The following SPHK2 variants were observed in gnomAD, a reference collection of about 807,000 sequenced individuals.
The protein encoded by SPHK2 is sphingosine kinase 2.
SPHK2 carries 18 observed loss-of-function variants against 32.3 expected under a neutral mutation model. That is an observed-to-expected ratio of 0.56 (90% CI 0.39 to 0.83). The LOEUF is 0.83. SPHK2 is among the 40% of genes least tolerant of loss of function. The pLI is 0.00. For synonymous variants in SPHK2, 462 were observed against 417.6 expected, an observed-to-expected ratio of 1.11 and a Z score of -1.30; for missense variants, 850 against 908.7, an observed-to-expected ratio of 0.94 and a Z score of 0.83.
intron 2 of SPHK2, among the ~76,000 whole-genome samples, chr19:48,622,800 C>A: frequency 8.9e-6 from 1 of 111,896 alleles, no homozygotes; most frequent in African/African-American, 3.3e-5. Flanking sequence ...GAGTCTTGGT[C>A]TGTTGCCCAG....
chr19:48,628,326 T>A lies in SPHK2; in HGVS notation c.872+49T>A, dbSNP rs888019127. On this transcript the variant is annotated intron_variant, in intron 6 of 6. Coordinates refer to ENST00000245222, the MANE Select transcript of SPHK2 (RefSeq NM_020126.5). The surrounding 1 kb of genome is among the most constrained non-coding windows in gnomAD (Gnocchi z 5.2). Reference sequence around the variant, plus strand: ...GAGGGATGAGCCCCTCCTGGGGTGATAGGGACCCCTATATCTCCCACTCAG... The same window carrying A: ...GAGGGATGAGCCCCTCCTGGGGTGAAAGGGACCCCTATATCTCCCACTCAG... 6.6e-7 allele frequency: 1 copy of A among 1,526,010 alleles called. No individual in the cohort carries two copies. 94.5% of individuals were successfully genotyped at this position (1,526,010 alleles called of 1,614,324 possible).
chr19:48,621,878 A>C (rs1974418573), intron 2 of SPHK2, among the ~76,000 whole-genome samples: 1 of 152,144 alleles, frequency 6.6e-6, no homozygotes, highest in Non-Finnish European at 1.5e-5. Context: ...AGTTAGAGAA[A>C]CAGGGTCTTC....
At chr19:48,625,110 C>T (rs1568430403) in intron 2 of SPHK2, 22 of 999,654 alleles carry the variant, frequency 2.2e-5, no homozygotes, top group Middle Eastern at 5.1e-4. Context: ...TGGCCCCTGC[C>T]CCTTGCAGGC....
At chr19:48,625,725 C>T (rs1440308741) in intron 2 of SPHK2, 166 bp from the exon 3 acceptor site, 22 of 1,534,948 alleles carry the variant, frequency 1.4e-5, no homozygotes, top group Admixed American at 2.0e-5. Flanking sequence ...GCCTCTGTCC[C>T]GCATCCTCAA....
rs1432632644 is a variant in SPHK2 at position 48,620,393 on chromosome 19, C to T, written c.-113-9C>T. 2.7e-6 allele frequency: 2 copies of T among 751,586 alleles called. No homozygotes were observed. Among genetic ancestry groups the T allele is most frequent in the Admixed American group, 3.1e-5 (1 of 32,524 alleles). 46.6% of individuals were successfully genotyped at this position (751,586 alleles called of 1,614,324 possible). ...TCAATGCTGCTCCTCACTTACCTCTCCTCCACAGAGCTGAAGGTCAGGCCA... is the reference window on the plus strand; with the variant it reads ...TCAATGCTGCTCCTCACTTACCTCTTCTCCACAGAGCTGAAGGTCAGGCCA... On this transcript the variant is annotated splice_polypyrimidine_tract_variant and intron_variant, in intron 1 of 6. Transcript: ENST00000245222.
chr19:48,625,227 T>C (rs1308225114), intron 2 of SPHK2: 7 of 1,059,376 alleles, frequency 6.6e-6, no homozygotes, highest in Non-Finnish European at 8.0e-6. Flanking sequence ...CCTTCCACTC[T>C]GTCTTGCCTT....
intron 2 of SPHK2, 104 bp from the exon 3 acceptor site, chr19:48,625,787 C>G (rs1418528584): frequency 1.3e-6 from 2 of 1,538,042 alleles, no homozygotes; most frequent in South Asian, 2.4e-5. Context: ...CCTGTCTCAC[C>G]TGCCACTGCC....
rs1483716969 is a variant in SPHK2 at position 48,629,527 on chromosome 19, C to A, written c.1719C>A (p.Ser573Arg). The change falls in exon 7 of 7, where the codon AGC (serine) becomes AGA (arginine). Residue 573 changes from serine (S) to arginine (R), a missense_variant. Ser to Arg is a moderately radical substitution (Grantham distance 110, BLOSUM62 -1). Around this residue, in one of 2 missense-constraint regions of SPHK2, gnomAD observed 306 missense variants for 268.6 expected, o/e 1.14. Transcript: ENST00000245222. ...DGLVHLCWVRSGISRAALLRL... is the reference protein window; with the variant it reads ...DGLVHLCWVRRGISRAALLRL... Reference sequence around the variant, plus strand: ...TGGTGCACCTGTGCTGGGTGCGTAGCGGCATCTCGCGGGCTGCGCTGCTGC... The same window carrying A: ...TGGTGCACCTGTGCTGGGTGCGTAGAGGCATCTCGCGGGCTGCGCTGCTGC... 6.2e-7 allele frequency: 1 copy of A among 1,604,484 alleles called. No individual in the cohort carries two copies. Among genetic ancestry groups the A allele is most frequent in the Admixed American group, 1.7e-5 (1 of 59,094 alleles).
chr19:48,629,494 C>T lies in SPHK2; in HGVS notation c.1686C>T (p.Asp562=). Reference sequence around the variant, plus strand: ...TGGCAGCTCCGCATGCGCGCTTCGACGACGGCCTGGTGCACCTGTGCTGGG... The same window carrying T: ...TGGCAGCTCCGCATGCGCGCTTCGATGACGGCCTGGTGCACCTGTGCTGGG... ...DLVAAPHARF[D]DGLVHLCWVR... is the part of the protein sequence containing the mutation. Residue 562 remains aspartate (D), a synonymous_variant, in exon 7 of 7, where the codon GAC becomes GAT. Coordinates refer to ENST00000245222, the MANE Select transcript of SPHK2 (RefSeq NM_020126.5). The T allele has an allele frequency of 6.2e-7, 1 of 1,607,348 alleles. No individual in the cohort carries two copies. Among genetic ancestry groups the T allele is most frequent in the Non-Finnish European group, 8.5e-7 (1 of 1,178,428 alleles).
At position 48,628,227 on chromosome 19, in the gene SPHK2, C is replaced by T. The variant is rs751042287; in HGVS notation, c.822C>T (p.Leu274=). The T allele has an allele frequency of 4.3e-6, 7 of 1,613,794 alleles. No individual in the cohort carries two copies. The highest frequency in any genetic ancestry group is 5.9e-6 in the Non-Finnish European group (7 of 1,179,976). The part of the protein sequence containing the change: ...EEAVKMPVGI[L]PCGSGNALAG... ...CTGTGAAGATGCCTGTGGGCATCCT[C>T]CCCTGCGGCTCGGGCAACGCGCTGG... The change falls in exon 6 of 7, where the codon CTC becomes CTT. Residue 274 remains leucine (L), a synonymous_variant. Coordinates refer to ENST00000245222, the MANE Select transcript of SPHK2 (RefSeq NM_020126.5). The surrounding 1 kb of genome is among the most constrained non-coding windows in gnomAD (Gnocchi z 5.2).
At position 48,628,329 on chromosome 19, in the gene SPHK2, G is replaced by C; in HGVS notation, c.872+52G>C. The C allele has an allele frequency of 6.6e-7, 1 of 1,513,638 alleles. No homozygotes were observed. The allele number at this position is 1,513,638 out of a possible 1,614,324, so 93.8% of individuals were successfully genotyped here. On this transcript the variant is annotated intron_variant, in intron 6 of 6. Coordinates refer to ENST00000245222, the MANE Select transcript of SPHK2 (RefSeq NM_020126.5). The surrounding 1 kb of genome is among the most constrained non-coding windows in gnomAD (Gnocchi z 5.2). ...GGATGAGCCCCTCCTGGGGTGATAG[G>C]GACCCCTATATCTCCCACTCAGCCA...
chr19:48,628,092 CT>C lies in SPHK2; in HGVS notation c.756+24del. On this transcript the variant is annotated intron_variant, in intron 5 of 6. Coordinates refer to ENST00000245222, the MANE Select transcript of SPHK2 (RefSeq NM_020126.5). The surrounding 1 kb of genome is among the most constrained non-coding windows in gnomAD (Gnocchi z 5.2). The stretch of plus-strand genomic sequence containing the variant: ...GAGGTAGAGCAGGAGCACCCTGCCC[CT>C]AGCCCTGGGCCCTGGGGGACTATAG... 1 of 1,579,614 alleles carries C rather than the reference CT, an allele frequency of 6.3e-7. No homozygotes were observed. The highest frequency in any genetic ancestry group is 8.6e-7 in the Non-Finnish European group (1 of 1,159,426).
chr19:48,629,879 C>CCTGGCCCCGTCTCAGGATTGCGCT lies in SPHK2; in HGVS notation c.*108_*131dup. Reference sequence around the variant, plus strand: ...CTGCTAGAGTTGTGGTGGCAGGGGCCCTGGCCCCGTCTCAGGATTGCGCTC... The same window carrying CCTGGCCCCGTCTCAGGATTGCGCT: ...CTGCTAGAGTTGTGGTGGCAGGGGCCCTGGCCCCGTCTCAGGATTGCGCTCTGGCCCCGTCTCAGGATTGCGCTC... On this transcript the variant is annotated 3_prime_UTR_variant, in exon 7 of 7. Coordinates refer to ENST00000245222, the MANE Select transcript of SPHK2 (RefSeq NM_020126.5). The CCTGGCCCCGTCTCAGGATTGCGCT allele has an allele frequency of 6.9e-7, 1 of 1,457,176 alleles. No homozygotes were observed. The allele number at this position is 1,457,176 out of a possible 1,614,324, so 90.3% of individuals were successfully genotyped here.
At position 48,628,403 on chromosome 19, in the gene SPHK2, C is replaced by T; in HGVS notation, c.872+126C>T. 9.7e-7 allele frequency: 1 copy of T among 1,033,538 alleles called. No individual in the cohort carries two copies. The highest frequency in any genetic ancestry group is 1.5e-6 in the Non-Finnish European group (1 of 663,982). 64.0% of individuals were successfully genotyped at this position (1,033,538 alleles called of 1,614,324 possible). ...CAGCCTGCCTGTGGGATGCTCACCC[C>T]CAGCTCCTGGACATTTTTGCCTGCC... On this transcript the variant is annotated intron_variant, in intron 6 of 6. Coordinates refer to ENST00000245222, the MANE Select transcript of SPHK2 (RefSeq NM_020126.5). The surrounding 1 kb of genome is among the most constrained non-coding windows in gnomAD (Gnocchi z 5.2).
At chr19:48,625,247 G>C in intron 2 of SPHK2, 1 of 1,066,798 alleles carries the variant, frequency 9.4e-7, no homozygotes, top group South Asian at 2.6e-5. Context: ...TTCTCGTTGG[G>C]GTGAAAAAGT....
At position 48,628,282 on chromosome 19, in the gene SPHK2, G is replaced by T. The variant is rs1197232818; in HGVS notation, c.872+5G>T. The T allele has an allele frequency of 4.3e-6, 7 of 1,612,458 alleles. No individual in the cohort carries two copies. The highest frequency in any genetic ancestry group is 5.9e-6 in the Non-Finnish European group (7 of 1,179,520). ...AGCAGTGAACCAGCACGGGGGGTAG[G>T]TTGAGGATACCACGAAGGGAGGGAT... On this transcript the variant is annotated splice_donor_5th_base_variant and intron_variant, in intron 6 of 6. Coordinates refer to ENST00000245222, the MANE Select transcript of SPHK2 (RefSeq NM_020126.5). This position sits in a 1 kb window ranked among gnomAD's most constrained non-coding sequence, Gnocchi z 5.2.
At chr19:48,620,146 A>G (rs956567894) in intron 1 of SPHK2, among the ~76,000 whole-genome samples, 2 of 152,242 alleles carry the variant, frequency 1.3e-5, no homozygotes, top group African/African-American at 4.8e-5. Flanking sequence ...CAGGATTATG[A>G]AAGTTAATAA....
intron 3 of SPHK2, 117 bp from the exon 4 acceptor site, chr19:48,627,575 C>A: frequency 7.9e-7 from 1 of 1,262,682 alleles, no homozygotes; most frequent in Non-Finnish European, 1.1e-6. Flanking sequence ...CACATGAGAG[C>A]CAGCAGGTCC....
Position 48,626,618 on chromosome 19 carries a change from C to G in SPHK2, c.511+256C>G, listed in dbSNP as rs370243093. ...TCACCTGAGGTCAGGAGTTCGAGACCAGCCTGGCTAACATGGTGAAACCCC... is the reference window on the plus strand; with the variant it reads ...TCACCTGAGGTCAGGAGTTCGAGACGAGCCTGGCTAACATGGTGAAACCCC... On this transcript the variant is annotated intron_variant, in intron 3 of 6. Coordinates refer to ENST00000245222, the MANE Select transcript of SPHK2 (RefSeq NM_020126.5). The G allele has an allele frequency of 1.3e-3, 569 of 426,564 alleles. 11 individuals carry two copies. The South Asian group carries it at 0.022, about 17-fold the overall frequency. The allele number at this position is 426,564 out of a possible 1,614,324, so 26.4% of individuals were successfully genotyped here. A position where few individuals can be genotyped will look rare whatever the true frequency, so the allele number is the denominator to read the frequency against.
Sources: allele counts gnomAD v4.1 joint callset (sites outside exome capture counted in the v4.1 genomes callset), GRCh38; gene constraint gnomAD v4.1.1; regional missense constraint gnomAD v4.1.1; non-coding constraint Gnocchi (gnomAD v3.1); transcripts MANE v1.5; gene names NCBI Gene and HGNC (gene_info 2026-07-23, HGNC 2026-07-21).